CALN1: variants seen among roughly 807,000 people sequenced by gnomAD.
The protein encoded by CALN1 is calcium-binding protein 8.
Under a neutral mutation model 30.6 loss-of-function variants are expected in CALN1, and 17 were observed. The ratio of observed to expected loss-of-function variants is 0.56; its 90% CI spans 0.38 to 0.83. The LOEUF is 0.83. Among genes scored for constraint, CALN1 ranks in the 40% least tolerant of loss-of-function variants. The pLI is 0.00. For synonymous variants in CALN1, 156 were observed against 131.4 expected, an observed-to-expected ratio of 1.19 and a Z score of -1.28; for missense variants, 291 against 354.9, an observed-to-expected ratio of 0.82 and a Z score of 1.45.
At chr7:72,107,342 A>C (rs535304174) in intron 3 of CALN1, among the ~76,000 whole-genome samples, 6 of 152,146 alleles carry the variant, frequency 3.9e-5, no homozygotes, top group Non-Finnish European at 8.8e-5. Flanking sequence ...GCTGTTTTTG[A>C]CTCATTCTCC....
At chr7:72,127,299 G>C (rs544396481) in intron 3 of CALN1, among the ~76,000 whole-genome samples, 1 of 152,132 alleles carries the variant, frequency 6.6e-6, no homozygotes, top group Non-Finnish European at 1.5e-5. Context: ...AGGATACTGA[G>C]TCACTGGGTT....
chr7:72,200,702 C>A (rs1026587282), intron 3 of CALN1, among the ~76,000 whole-genome samples: 3 of 152,074 alleles, frequency 2.0e-5, no homozygotes, highest in Admixed American at 6.6e-5. Context: ...AAGAAAACAC[C>A]AACCCTGGCA....
chr7:72,027,378 G>C (rs1483723816), intron 4 of CALN1, among the ~76,000 whole-genome samples: 1 of 152,140 alleles, frequency 6.6e-6, no homozygotes, highest in East Asian at 1.9e-4. Context: ...ACTGTTCATA[G>C]AGGCTTAGAA....
intron 4 of CALN1, among the ~76,000 whole-genome samples, chr7:72,077,871 C>G (rs958396346): frequency 2.6e-5 from 4 of 152,162 alleles, no homozygotes; most frequent in African/African-American, 7.2e-5. Flanking sequence ...ATGCCAGGTA[C>G]CTGATAATTG....
intron 3 of CALN1, among the ~76,000 whole-genome samples, chr7:72,202,090 C>T (rs937627188): frequency 6.6e-6 from 1 of 151,998 alleles, no homozygotes; most frequent in Non-Finnish European, 1.5e-5. Flanking sequence ...AGTGAGAGAG[C>T]CTCCTAAAGG....
intron 3 of CALN1, among the ~76,000 whole-genome samples, chr7:72,219,943 A>T (rs1288441130): frequency 2.0e-5 from 3 of 151,598 alleles, no homozygotes; most frequent in Non-Finnish European, 2.9e-5. Flanking sequence ...AGCCTCCTAT[A>T]AAAAAAAATT....
intron 2 of CALN1, among the ~76,000 whole-genome samples, chr7:72,291,253 T>C (rs981296297): frequency 1.3e-5 from 2 of 152,178 alleles, no homozygotes; most frequent in East Asian, 1.9e-4. Flanking sequence ...ATTTCATATT[T>C]TTCTTCAGAA....
At chr7:71,821,153 G>A (rs1788563189) in intron 5 of CALN1, among the ~76,000 whole-genome samples, 1 of 152,184 alleles carries the variant, frequency 6.6e-6, no homozygotes, top group African/African-American at 2.4e-5. Flanking sequence ...GCATACAGAT[G>A]ATGATAAAGT....
Position 72,318,884 on chromosome 7 carries a change from T to C in CALN1, c.120-40074A>G, listed in dbSNP as rs116648148. On this transcript the variant is annotated intron_variant, in intron 2 of 6. Coordinates refer to ENST00000395275, the MANE Select transcript of CALN1 (RefSeq NM_031468.4). ...AGTCAAAAGAAAAAAAAAAAGATGC[T>C]GGCAAGGATGTGGAGAAAAAGAATG... Among the ~76,000 whole-genome samples, 1,366 of 149,868 alleles carry C rather than the reference T, an allele frequency of 9.1e-3. 25 individuals are homozygous for C. The highest frequency in any genetic ancestry group is 0.032 in the African/African-American group (1,310 of 41,040).
rs73362934 is a variant in CALN1, at chr7:72,340,247, G to A, written c.120-61437C>T. Among the ~76,000 whole-genome samples the A allele has an allele frequency of 1.5e-3, 228 of 152,228 alleles. 1 individual carries two copies. Among genetic ancestry groups the A allele is most frequent in the African/African-American group, 5.3e-3 (221 of 41,526 alleles). ...TCAGAAAATCTTTGAACTCACTTAT[G>A]ACATTTGTAGAGATGGGATCTCCCT... On this transcript the variant is annotated intron_variant, in intron 2 of 6. Transcript: ENST00000395275.
chr7:72,121,883 TTA>T (rs1398532009), intron 3 of CALN1, among the ~76,000 whole-genome samples: 4 of 147,404 alleles, frequency 2.7e-5, no homozygotes, highest in Non-Finnish European at 6.0e-5. Flanking sequence ...TAATTATAAA[TTA>T]TATATAATAT....
chr7:72,121,451 G>C, intron 3 of CALN1, among the ~76,000 whole-genome samples: 1 of 145,976 alleles, frequency 6.9e-6, no homozygotes, highest in East Asian at 2.0e-4. Flanking sequence ...ATTATATATA[G>C]TATAGATATA....
chr7:72,225,789 C>A (rs1585209163), intron 3 of CALN1, among the ~76,000 whole-genome samples: 1 of 152,104 alleles, frequency 6.6e-6, no homozygotes, highest in Admixed American at 6.6e-5. Flanking sequence ...CTGTGCATAT[C>A]TTCTGCAAGG....
chr7:72,154,000 G>A (rs184568746), intron 3 of CALN1, among the ~76,000 whole-genome samples: 5 of 152,144 alleles, frequency 3.3e-5, no homozygotes, highest in African/African-American at 1.2e-4. Flanking sequence ...CTGGCCCAGA[G>A]TAACTTCTCT....
At chr7:71,834,301 C>T (rs1789478451) in intron 5 of CALN1, among the ~76,000 whole-genome samples, 1 of 143,858 alleles carries the variant, frequency 7.0e-6, no homozygotes. Context: ...AAGGAAGTGG[C>T]CACCTGCTAT....
chr7:72,398,448 T>C (rs982833821), intron 2 of CALN1, among the ~76,000 whole-genome samples: 7 of 152,362 alleles, frequency 4.6e-5, no homozygotes, highest in Admixed American at 1.3e-4. Flanking sequence ...GTTTGGAACA[T>C]GAGTTATTTT....
At chr7:72,344,786 A>G (rs932325538) in intron 2 of CALN1, among the ~76,000 whole-genome samples, 3 of 147,544 alleles carry the variant, frequency 2.0e-5, no homozygotes, top group African/African-American at 4.9e-5. Flanking sequence ...TTCAAAACGT[A>G]TATTAACCAG....
chr7:72,242,832 A>G (rs1794926087), intron 3 of CALN1, among the ~76,000 whole-genome samples: 1 of 152,184 alleles, frequency 6.6e-6, no homozygotes. Context: ...AGATTGCAGT[A>G]AGCCAATATT....
At chr7:71,851,872 A>T (rs1008093190) in intron 5 of CALN1, among the ~76,000 whole-genome samples, 4 of 152,186 alleles carry the variant, frequency 2.6e-5, no homozygotes, top group African/African-American at 7.2e-5. Context: ...GAGGGCAGAC[A>T]TTAAGAACAA....
Sources: allele counts gnomAD v4.1 joint callset (sites outside exome capture counted in the v4.1 genomes callset), GRCh38; gene constraint gnomAD v4.1.1; transcripts MANE v1.5; gene names NCBI Gene and HGNC (gene_info 2026-07-23, HGNC 2026-07-21).